The following BBS9 variants were observed in gnomAD, a reference collection of about 807,000 sequenced individuals.
The protein encoded by BBS9 is protein PTHB1.
In BBS9, 89 loss-of-function variants were observed where a neutral mutation model predicts 117.7. That is an observed-to-expected ratio of 0.76 (90% confidence interval 0.64 to 0.90). BBS9 has a LOEUF of 0.90. Ranked by LOEUF, BBS9 falls within the 40% of genes least tolerant of loss-of-function variation. The pLI is 0.00. For synonymous variants in BBS9, 379 were observed against 370.9 expected, an observed-to-expected ratio of 1.02 and a Z score of -0.25; for missense variants, 982 against 1,042.2, an observed-to-expected ratio of 0.94 and a Z score of 0.80.
chr7:33,273,375 G>A (rs1800175932), intron 8 of BBS9, among the ~76,000 whole-genome samples, 180 bp downstream of exon 8: 1 of 152,070 alleles, frequency 6.6e-6, no homozygotes, highest in Non-Finnish European at 1.5e-5. Context: ...CACACATTTG[G>A]TTTTGTCAGT....
intron 9 of BBS9, among the ~76,000 whole-genome samples, chr7:33,319,460 G>A (rs751722137): frequency 1.3e-5 from 2 of 152,186 alleles, no homozygotes; most frequent in African/African-American, 2.4e-5. Flanking sequence ...AGTTCTTTAA[G>A]GAATCTCTGC....
chr7:33,448,457 C>G (rs1221438330), intron 19 of BBS9, among the ~76,000 whole-genome samples: 1 of 152,078 alleles, frequency 6.6e-6, no homozygotes, highest in Non-Finnish European at 1.5e-5. Context: ...GTCAGACAGA[C>G]CTGGATTTGA....
chr7:33,542,386 G>T (rs145375426), intron 21 of BBS9, among the ~76,000 whole-genome samples: 9 of 152,208 alleles, frequency 5.9e-5, no homozygotes, highest in Non-Finnish European at 1.3e-4. Context: ...CCCAGCCCAT[G>T]AGTAAGTTAT....
intron 21 of BBS9, among the ~76,000 whole-genome samples, chr7:33,596,257 AACACACACACACACACACAC>A (rs777940429): frequency 8.4e-6 from 1 of 118,826 alleles, no homozygotes; most frequent in East Asian, 2.5e-4. Context: ...ACAGAACAGA[AACACACACACACACACACAC>A]ACACACACAC....
chr7:33,498,933 G>C (rs998020668), intron 19 of BBS9, among the ~76,000 whole-genome samples: 2 of 152,132 alleles, frequency 1.3e-5, no homozygotes, highest in Non-Finnish European at 2.9e-5. Flanking sequence ...TTGAGGAGCT[G>C]CCAGCCTATT....
chr7:33,152,642 T>C, intron 2 of BBS9, 59 bp from the exon 3 acceptor site: 1 of 1,487,126 alleles, frequency 6.7e-7, no homozygotes, highest in Middle Eastern at 1.8e-4. Context: ...GCTTATTTCC[T>C]AAGAGATTTG....
chr7:33,561,375 C>T (rs968294257), intron 21 of BBS9, among the ~76,000 whole-genome samples: 22 of 152,280 alleles, frequency 1.4e-4, no homozygotes, highest in African/African-American at 5.1e-4. Context: ...GACAGTATTT[C>T]TGAGTCCTGC....
At chr7:33,525,932 A>C (rs1220271264) in intron 20 of BBS9, among the ~76,000 whole-genome samples, 1 of 151,278 alleles carries the variant, frequency 6.6e-6, no homozygotes, top group Non-Finnish European at 1.5e-5. Context: ...GAGCTCTTTT[A>C]GGGCAGGCCT....
chr7:33,394,631 G>C (rs1034095918), intron 19 of BBS9, among the ~76,000 whole-genome samples: 1 of 152,066 alleles, frequency 6.6e-6, no homozygotes, highest in Non-Finnish European at 1.5e-5. Flanking sequence ...TAGCTTTGGA[G>C]GTATAATGTT....
chr7:33,435,578 G>C (rs1308945200), intron 19 of BBS9, among the ~76,000 whole-genome samples: 2 of 151,968 alleles, frequency 1.3e-5, no homozygotes, highest in East Asian at 3.9e-4. Flanking sequence ...AAATGTTTTT[G>C]TCTTCTCCTT....
chr7:33,132,083 T>C (rs1584044372), intron 1 of BBS9, among the ~76,000 whole-genome samples: 1 of 152,224 alleles, frequency 6.6e-6, no homozygotes, highest in East Asian at 1.9e-4. Flanking sequence ...TGTCTTCTAA[T>C]CATCCTTTAA....
chr7:33,429,309 G>A (rs1351929980), intron 19 of BBS9, among the ~76,000 whole-genome samples: 3 of 150,434 alleles, frequency 2.0e-5, no homozygotes, highest in Non-Finnish European at 3.0e-5. Flanking sequence ...TCAGCCAGAA[G>A]TGTTAGTTAT....
intron 12 of BBS9, among the ~76,000 whole-genome samples, chr7:33,347,058 A>G (rs1817720609): frequency 6.6e-6 from 1 of 152,154 alleles, no homozygotes; most frequent in Admixed American, 6.5e-5. Context: ...GGCAGATAGC[A>G]GTTAAATTGT....
At chr7:33,313,046 T>G (rs980591064) in intron 9 of BBS9, among the ~76,000 whole-genome samples, 10 of 151,550 alleles carry the variant, frequency 6.6e-5, no homozygotes, top group Admixed American at 3.3e-4. Context: ...GGTGTGTGTG[T>G]GTGTGTGTGT....
intron 21 of BBS9, among the ~76,000 whole-genome samples, chr7:33,565,811 A>ATATACTGC (rs1856799124): frequency 1.5e-5 from 1 of 67,016 alleles, no homozygotes; most frequent in Non-Finnish European, 2.9e-5. Flanking sequence ...ATATATATAT[A>ATATACTGC]TATATATATA....
intron 19 of BBS9, among the ~76,000 whole-genome samples, chr7:33,452,524 C>T (rs1838039467): frequency 6.6e-6 from 1 of 152,102 alleles, no homozygotes; most frequent in African/African-American, 2.4e-5. Context: ...CTTATTTTCT[C>T]TAGTGGAGAA....
At chr7:33,204,457 G>A (rs1786530950) in intron 5 of BBS9, among the ~76,000 whole-genome samples, 1 of 151,462 alleles carries the variant, frequency 6.6e-6, no homozygotes, top group Non-Finnish European at 1.5e-5. Flanking sequence ...TAGAAGTGTG[G>A]GCAGGGTTAA....
intron 21 of BBS9, among the ~76,000 whole-genome samples, chr7:33,574,607 T>C (rs113005640): frequency 0.042 from 6,331 of 151,580 alleles, 156 homozygotes; most frequent in South Asian, 0.056. Context: ...AGAGATCCCC[T>C]GGGACCACAC....
chr7:33,607,329 T>C (rs375290904), downstream of BBS9, among the ~76,000 whole-genome samples: 25 of 152,178 alleles, frequency 1.6e-4, no homozygotes, highest in African/African-American at 5.8e-4. Flanking sequence ...TACTATTTTT[T>C]CTTAAATTTG....
Sources: allele counts gnomAD v4.1 joint callset (sites outside exome capture counted in the v4.1 genomes callset), GRCh38; gene constraint gnomAD v4.1.1; transcripts MANE v1.5; gene names NCBI Gene and HGNC (gene_info 2026-07-23, HGNC 2026-07-21).